The following LRMDA variants were observed in gnomAD, a reference collection of about 807,000 sequenced individuals.
The protein encoded by LRMDA is leucine rich melanocyte differentiation associated.
In LRMDA, 18 loss-of-function variants were observed where a neutral mutation model predicts 29.8. That is an observed-to-expected ratio of 0.60 (90% CI 0.42 to 0.90). LRMDA has a LOEUF of 0.90. LRMDA is among the 40% of genes least tolerant of loss of function. The probability of loss-of-function intolerance (pLI) is 0.00; values close to 1 mark genes in which losing one functional copy is unlikely to be tolerated. For synonymous variants in LRMDA, 125 were observed against 109.4 expected (o/e 1.14, Z -0.89); for missense variants, 273 against 273.9 (o/e 1.00, Z 0.02).
intron 6 of LRMDA, among the ~76,000 whole-genome samples, chr10:76,536,565 G>T (rs1843293391): frequency 6.6e-6 from 1 of 152,058 alleles, no homozygotes; most frequent in Non-Finnish European, 1.5e-5. Flanking sequence ...TTTATCAAAA[G>T]CCCAGGTCAA....
At chr10:75,560,456 A>T (rs1040968648) in intron 2 of LRMDA, among the ~76,000 whole-genome samples, 1 of 150,390 alleles carries the variant, frequency 6.6e-6, no homozygotes, top group African/African-American at 2.4e-5. Flanking sequence ...GGTTTTCTAG[A>T]TATACAATCA....
At chr10:75,548,191 T>C (rs1840101582) in intron 2 of LRMDA, among the ~76,000 whole-genome samples, 1 of 152,178 alleles carries the variant, frequency 6.6e-6, no homozygotes. Context: ...GAAGTTATTT[T>C]GGGTTTGGTA....
At chr10:76,422,927 A>G (rs1360522979) in intron 6 of LRMDA, among the ~76,000 whole-genome samples, 6 of 152,242 alleles carry the variant, frequency 3.9e-5, no homozygotes, top group Admixed American at 6.5e-5. Flanking sequence ...AATCTCTGCA[A>G]TGAACTGAAG....
intron 1 of LRMDA, among the ~76,000 whole-genome samples, chr10:75,434,787 C>G (rs1202868571): frequency 1.3e-5 from 2 of 152,198 alleles, no homozygotes. Flanking sequence ...ATCTCCCACC[C>G]CTGGCTAGGG....
At chr10:75,454,850 C>A (rs1031418241) in intron 2 of LRMDA, among the ~76,000 whole-genome samples, 1 of 152,186 alleles carries the variant, frequency 6.6e-6, no homozygotes, top group Non-Finnish European at 1.5e-5. Context: ...AAAAATGGAG[C>A]CTGGCAGTGG....
intron 2 of LRMDA, among the ~76,000 whole-genome samples, chr10:75,592,381 A>G (rs1169685106): frequency 4.6e-5 from 7 of 152,108 alleles, no homozygotes; most frequent in Non-Finnish European, 1.0e-4. Context: ...TAGGAGTCAA[A>G]CCTCATCTGC....
chr10:75,764,097 A>G (rs1432323082), intron 2 of LRMDA, among the ~76,000 whole-genome samples: 1 of 151,954 alleles, frequency 6.6e-6, no homozygotes, highest in Admixed American at 6.6e-5. Flanking sequence ...GCCCAGATTT[A>G]TTTCATGCTT....
rs79036409 is a variant in LRMDA at position 76,343,421 on chromosome 10, A to C, written c.601+18936A>C. 9.1e-3 allele frequency among the ~76,000 whole-genome samples: 1,393 copies of C among 152,342 alleles called. 22 individuals carry two copies. The highest frequency in any genetic ancestry group is 0.024 in the Middle Eastern group (7 of 294). On this transcript the variant is annotated intron_variant, in intron 6 of 6. Transcript: ENST00000611255. Reference sequence around the variant, plus strand: ...TAGCAGCATAAAAGCAGAGTAAAACATCATGTCCAAGTAACATTTATTCCA... The same window carrying C: ...TAGCAGCATAAAAGCAGAGTAAAACCTCATGTCCAAGTAACATTTATTCCA...
chr10:75,560,745 C>G (rs1014317996), intron 2 of LRMDA, among the ~76,000 whole-genome samples: 2 of 151,388 alleles, frequency 1.3e-5, no homozygotes, highest in African/African-American at 4.8e-5. Flanking sequence ...TAGCATGAAG[C>G]ATTGTTGAAT....
At chr10:75,837,194 A>G (rs370382670) in intron 2 of LRMDA, among the ~76,000 whole-genome samples, 1 of 152,134 alleles carries the variant, frequency 6.6e-6, no homozygotes, top group Non-Finnish European at 1.5e-5. Context: ...ACCATATTCT[A>G]ATTGTGGAGA....
rs1183043863 is a variant in LRMDA, at chr10:75,985,119, C to T, written c.132-50889C>T. ...CGGGTGTGAGCAGTTAGCAGAACTT[C>T]TCATATTTATTTTTTTCTGACTTTG... On this transcript the variant is annotated intron_variant, in intron 2 of 6. Coordinates refer to ENST00000611255, the MANE Select transcript of LRMDA (RefSeq NM_001305581.2). 2.6e-5 allele frequency among the ~76,000 whole-genome samples: 4 copies of T among 151,824 alleles called. No individual in the cohort carries two copies. The East Asian group carries it at 7.7e-4, about 29-fold the overall frequency.
chr10:76,250,536 G>A (rs1332280834), intron 5 of LRMDA, among the ~76,000 whole-genome samples: 1 of 152,070 alleles, frequency 6.6e-6, no homozygotes, highest in Non-Finnish European at 1.5e-5. Context: ...AAGGGTATCC[G>A]TTTCTCATCA....
At chr10:76,164,666 G>A (rs1024317907) in intron 5 of LRMDA, among the ~76,000 whole-genome samples, 14 of 152,116 alleles carry the variant, frequency 9.2e-5, no homozygotes, top group African/African-American at 2.4e-4. Flanking sequence ...TCAGAGAAAG[G>A]TTCTGTGACC....
chr10:76,235,100 A>G (rs954681978), intron 5 of LRMDA, among the ~76,000 whole-genome samples: 1 of 151,966 alleles, frequency 6.6e-6, no homozygotes, highest in South Asian at 2.1e-4. Flanking sequence ...TCTTTCTTTC[A>G]CCTGAACACT....
chr10:75,473,394 A>G (rs1844750066), intron 2 of LRMDA, among the ~76,000 whole-genome samples: 1 of 152,252 alleles, frequency 6.6e-6, no homozygotes, highest in Non-Finnish European at 1.5e-5. Context: ...CAGAGATGAC[A>G]GTAAGTGTTA....
At chr10:76,448,504 C>G (rs189059023) in intron 6 of LRMDA, among the ~76,000 whole-genome samples, 6 of 152,208 alleles carry the variant, frequency 3.9e-5, no homozygotes, top group African/African-American at 1.2e-4. Context: ...TAATCATTCT[C>G]TAGCCAGTAC....
chr10:76,050,812 G>GT (rs1290572806), intron 4 of LRMDA, among the ~76,000 whole-genome samples: 1 of 123,958 alleles, frequency 8.1e-6, no homozygotes, highest in Non-Finnish European at 1.7e-5. Context: ...TGCTTTTTTT[G>GT]TTTTTGCTAC....
intron 2 of LRMDA, among the ~76,000 whole-genome samples, chr10:75,477,227 G>T (rs932425597): frequency 2.6e-5 from 4 of 151,978 alleles, no homozygotes; most frequent in African/African-American, 9.7e-5. Flanking sequence ...CAGTCCTCTC[G>T]CCTCGGCCTC....
At chr10:75,577,517 T>G (rs1840521894) in intron 2 of LRMDA, among the ~76,000 whole-genome samples, 1 of 151,908 alleles carries the variant, frequency 6.6e-6, no homozygotes, top group Non-Finnish European at 1.5e-5. Context: ...AGGCCAACAT[T>G]CAATTCGGAA....
Sources: gnomAD v4.1 joint callset for allele counts (sites outside exome capture counted in the v4.1 genomes callset) on GRCh38, gnomAD v4.1.1 for gene constraint, MANE v1.5 for transcripts, NCBI Gene and HGNC (gene_info 2026-07-23, HGNC 2026-07-21) for gene names.